The following ANO1 variants were observed in gnomAD, a reference collection of about 807,000 sequenced individuals.
ANO1 encodes the protein anoctamin 1.
A neutral mutation model predicts 124.0 loss-of-function variants in ANO1; 59 were observed. That is an observed-to-expected ratio of 0.48 (90% CI 0.39 to 0.59). The LOEUF (loss-of-function observed/expected upper bound fraction) is 0.59. ANO1 is among the 20% of genes least tolerant of loss of function. The pLI, the probability that ANO1 is intolerant of heterozygous loss-of-function variation, is 0.00. For synonymous variants in ANO1, 529 were observed against 532.0 expected (o/e 0.99, Z 0.08); for missense variants, 1,059 against 1,328.0 (o/e 0.80, Z 3.15).
chr11:69,968,429 C>T, the ANO1 span, among the ~76,000 whole-genome samples: 2 of 152,200 alleles, frequency 1.3e-5, no homozygotes, highest in African/African-American at 2.4e-5. Flanking sequence ...TGAGCAAATT[C>T]GCTGGAAAAG....
At chr11:70,036,944 A>G (rs1857104298) in intron 1 of ANO1, among the ~76,000 whole-genome samples, 1 of 152,144 alleles carries the variant, frequency 6.6e-6, no homozygotes, top group Admixed American at 6.5e-5. Flanking sequence ...TTCTCTCCCG[A>G]GGCTGGGGCC....
intron 1 of ANO1, 21 bp from the exon 2 acceptor site, chr11:70,087,729 GGT>G (rs1565184879): frequency 4.5e-6 from 7 of 1,558,832 alleles, no homozygotes; most frequent in South Asian, 2.5e-5. Context: ...ATGGTGAATG[GGT>G]GTCTTTTCTT....
chr11:70,076,805 G>T (rs1030255815), upstream of ANO1, among the ~76,000 whole-genome samples: 1 of 152,240 alleles, frequency 6.6e-6, no homozygotes, highest in Non-Finnish European at 1.5e-5. Context: ...CAAGTTCAAG[G>T]AAGTCACAGA....
chr11:70,067,006 C>A lies in ANO1; in HGVS notation c.59-11536C>A, dbSNP rs1324048798. Among the ~76,000 whole-genome samples the A allele has an allele frequency of 4.6e-5, 7 of 152,198 alleles. No individual in the cohort carries two copies. The East Asian group carries it at 9.6e-4, about 21-fold the overall frequency. ...TGTCCGGGGTGTCCAGGGATCATGACCGGCACTGCTGTTTTCCTAACTCAT... is the reference window on the plus strand; with the variant it reads ...TGTCCGGGGTGTCCAGGGATCATGAACGGCACTGCTGTTTTCCTAACTCAT... On this transcript the variant is annotated intron_variant, in intron 1 of 27. Coordinates refer to the ANO1 transcript ENST00000531349.
intron 1 of ANO1, among the ~76,000 whole-genome samples, chr11:70,038,766 C>T (rs1047030091): frequency 5.9e-5 from 9 of 152,252 alleles, no homozygotes; most frequent in Admixed American, 3.9e-4. Context: ...CAGAAGACCT[C>T]GTGCATGAGC....
chr11:70,095,279 G>GGAAGGAAGGAAGGAAGGAAA lies in ANO1; in HGVS notation c.441+7214_441+7215insAGAAGGAAGGAAGGAAGGAA, dbSNP rs1555017295. Among the ~76,000 whole-genome samples, 26 of 95,558 alleles carry GGAAGGAAGGAAGGAAGGAAA rather than the reference G, an allele frequency of 2.7e-4. 4 individuals carry two copies. The highest frequency in any genetic ancestry group is 1.1e-3 in the African/African-American group (24 of 22,060). 62.7% of individuals were successfully genotyped at this position (95,558 alleles called of 152,430 possible). ...AGGAAGGAAGGAAGGAAGGAAGGAAGGAAGGAAGGAAGGAAGGAAGGAAAG... is the reference window on the plus strand; with the variant it reads ...AGGAAGGAAGGAAGGAAGGAAGGAAGGAAGGAAGGAAGGAAGGAAAGAAGGAAGGAAGGAAGGAAGGAAAG... On this transcript the variant is annotated intron_variant, in intron 2 of 25. Coordinates refer to ENST00000355303, the MANE Select transcript of ANO1 (RefSeq NM_018043.7).
intron 1 of ANO1, among the ~76,000 whole-genome samples, chr11:70,013,215 G>A (rs1856632408): frequency 6.6e-6 from 1 of 152,174 alleles, no homozygotes; most frequent in Non-Finnish European, 1.5e-5. Flanking sequence ...GCATGTTCAA[G>A]CAACTGAAAT....
At chr11:70,112,901 C>T (rs922402279) in intron 7 of ANO1, among the ~76,000 whole-genome samples, 32 of 152,170 alleles carry the variant, frequency 2.1e-4, no homozygotes, top group African/African-American at 7.7e-4. Flanking sequence ...ATTAGACAAA[C>T]TTGAGGTGCA....
At chr11:70,185,927 G>A (rs921657399) in intron 25 of ANO1, among the ~76,000 whole-genome samples, 2 of 152,166 alleles carry the variant, frequency 1.3e-5, no homozygotes, top group African/African-American at 2.4e-5. Context: ...TAGAGGGGCC[G>A]GATGAGCACC....
At position 70,161,341 on chromosome 11, in the gene ANO1, G is replaced by T; in HGVS notation, c.1759G>T (p.Ala587Ser). Residue 587 changes from alanine to serine, a missense_variant, in exon 17 of 26, where the codon GCC becomes TCC. Coordinates refer to ENST00000355303, the MANE Select transcript of ANO1 (RefSeq NM_018043.7). ...ILLDEVYGCI[A>S]RWLTKIEVPK... is the part of the protein sequence containing the mutation. ...CCTGGACGAGGTGTATGGCTGCATA[G>T]CCCGATGGCTCACCAAGATCGGTGA... 6.2e-7 allele frequency: 1 copy of T among 1,613,960 alleles called. No individual in the cohort carries two copies. Among genetic ancestry groups the T allele is most frequent in the Non-Finnish European group, 8.5e-7 (1 of 1,179,890 alleles).
intron 13 of ANO1, 106 bp from the exon 14 acceptor site, chr11:70,152,951 G>T: frequency 1.1e-6 from 1 of 938,172 alleles, no homozygotes; most frequent in South Asian, 1.5e-5. Flanking sequence ...TGGACCCAAA[G>T]GGTGCCCGAG....
chr11:70,155,917 C>T lies in ANO1; in HGVS notation c.1432C>T (p.Arg478Trp), dbSNP rs773155900. 48 of 1,540,866 alleles carry T rather than the reference C, an allele frequency of 3.1e-5. No individual in the cohort carries two copies. The highest frequency in any genetic ancestry group is 1.7e-4 in the Middle Eastern group (1 of 5,996). Reference sequence around the variant, plus strand: ...TTCCCCCACCCCCCCTCAGAAGCGCCGGCATATTCCAGAGGAGTCAACAAA... The same window carrying T: ...TTCCCCCACCCCCCCTCAGAAGCGCTGGCATATTCCAGAGGAGTCAACAAA... The part of the protein sequence containing the change: ...KKESRNKEKR[R>W]HIPEESTNKW... Residue 478 changes from arginine to tryptophan, a missense_variant, in exon 15 of 26, where the codon CGG (arginine) becomes TGG (tryptophan). By Grantham distance (101) the Arg-to-Trp change is moderately radical (BLOSUM62 -3). Around this residue, in one of 2 missense-constraint regions of ANO1, gnomAD observed 809 missense variants for 1,094.9 expected, o/e 0.74. Coordinates refer to ENST00000355303, the MANE Select transcript of ANO1 (RefSeq NM_018043.7).
chr11:70,183,644 G>T (rs768016023), intron 24 of ANO1, among the ~76,000 whole-genome samples: 66 of 152,344 alleles, frequency 4.3e-4, no homozygotes, highest in Admixed American at 1.3e-3. Flanking sequence ...GGGAGGACAG[G>T]GCTGCTTGTT....
intron 21 of ANO1, among the ~76,000 whole-genome samples, chr11:70,169,155 C>T (rs1000004795): frequency 6.6e-6 from 1 of 152,242 alleles, no homozygotes; most frequent in East Asian, 1.9e-4. Context: ...TGCAGTGGGC[C>T]GCGAGAGTGG....
intron 1 of ANO1, among the ~76,000 whole-genome samples, chr11:70,057,518 A>T (rs1027981188): frequency 7.2e-5 from 11 of 152,036 alleles, no homozygotes; most frequent in Admixed American, 5.9e-4. Context: ...CTGAGTCCGA[A>T]AAAGGAGTCA....
intron 24 of ANO1, 40 bp from the exon 25 acceptor site, chr11:70,185,550 A>G (rs2049082645): frequency 2.5e-6 from 4 of 1,583,374 alleles, no homozygotes; most frequent in East Asian, 2.3e-5. Flanking sequence ...CCTGAGCCCC[A>G]CCGAAGTCCC....
intron 1 of ANO1, among the ~76,000 whole-genome samples, chr11:69,987,096 C>T (rs188740940): frequency 6.6e-6 from 1 of 152,242 alleles, no homozygotes; most frequent in East Asian, 1.9e-4. Flanking sequence ...TTTCAAACAG[C>T]CGGGTCTGGC....
chr11:69,980,449 T>C, the ANO1 span, among the ~76,000 whole-genome samples: 2 of 151,626 alleles, frequency 1.3e-5, no homozygotes, highest in East Asian at 3.9e-4. Context: ...TGAAACCCCG[T>C]CTCTACTAAA....
chr11:70,003,603 A>ATGGGTAGGTGGG lies in ANO1; in HGVS notation c.58+17440_58+17441insGTAGGTGGGTGG, dbSNP rs369233004. Among the ~76,000 whole-genome samples the ATGGGTAGGTGGG allele has an allele frequency of 3.1e-3, 231 of 74,528 alleles. 4 individuals are homozygous for ATGGGTAGGTGGG. The highest frequency in any genetic ancestry group is 8.7e-3 in the African/African-American group (212 of 24,420). 48.9% of individuals were successfully genotyped at this position (74,528 alleles called of 152,430 possible). A position where few individuals can be genotyped will look rare whatever the true frequency, so the allele number is the denominator to read the frequency against. On this transcript the variant is annotated intron_variant, in intron 1 of 27. Coordinates refer to the ANO1 transcript ENST00000531349. ...TGTTGGTGGATGGATGGGTGGATGG[A>ATGGGTAGGTGGG]TGGATGGATGGATGGATGGATGGAT...
Sources: allele counts gnomAD v4.1 joint callset (sites outside exome capture counted in the v4.1 genomes callset), GRCh38; gene constraint gnomAD v4.1.1; regional missense constraint gnomAD v4.1.1; transcripts MANE v1.5; gene names NCBI Gene and HGNC (gene_info 2026-07-23, HGNC 2026-07-21).